ARHGAP8: variants seen among roughly 807,000 people sequenced by gnomAD.
ARHGAP8 encodes the protein Rho GTPase activating protein 8.
ARHGAP8 carries 62 observed loss-of-function variants against 46.1 expected under a neutral mutation model. That is an observed-to-expected ratio of 1.34 (90% CI 1.10 to 1.66). The LOEUF (loss-of-function observed/expected upper bound fraction) is 1.66. Among genes scored for constraint, ARHGAP8 ranks in the 40% most tolerant of loss-of-function variants. The pLI is 0.00. For missense variants in ARHGAP8, 923 were observed against 568.4 expected (o/e 1.62, Z -6.34); for synonymous variants, 375 against 243.1 (o/e 1.54, Z -5.05).
chr22:44,840,357 C>T (rs1442710012), intron 7 of ARHGAP8, among the ~76,000 whole-genome samples: 2 of 152,134 alleles, frequency 1.3e-5, no homozygotes, highest in Admixed American at 6.5e-5. Context: ...TTTCCAGAGG[C>T]GCCTATGCTC....
intron 7 of ARHGAP8, among the ~76,000 whole-genome samples, chr22:44,829,315 A>G (rs954621738): frequency 1.3e-5 from 2 of 151,822 alleles, no homozygotes; most frequent in Non-Finnish European, 2.9e-5. Flanking sequence ...AAAAAGAAAA[A>G]GAAAAAACAA....
Position 44,862,564 on chromosome 22 carries a change from G to A in ARHGAP8, c.1271G>A (p.Ser424Asn), listed in dbSNP as rs765285841. Residue 424 changes from serine (S) to asparagine (N), a missense_variant, in exon 12 of 12, where the codon AGT becomes AAT. Transcript: ENST00000356099. ...TGLTKPTLPP[S>N]PLMAARRRL ...CTCACCAAGCCTACCCTACCTCCGAGTCCCCTGATGGCAGCCAGAAGACGT... is the reference window on the plus strand; with the variant it reads ...CTCACCAAGCCTACCCTACCTCCGAATCCCCTGATGGCAGCCAGAAGACGT... 3 of 1,594,038 alleles carry A rather than the reference G, an allele frequency of 1.9e-6. No homozygotes were observed. Among genetic ancestry groups the A allele is most frequent in the Non-Finnish European group, 2.6e-6 (3 of 1,165,242 alleles).
chr22:44,773,821 G>A (rs528085078), intron 1 of ARHGAP8, among the ~76,000 whole-genome samples: 2 of 152,236 alleles, frequency 1.3e-5, no homozygotes, highest in African/African-American at 4.8e-5. Flanking sequence ...GGCCTCAAGT[G>A]ATCCACCTGC....
chr22:44,851,188 C>T (rs1167764310), intron 10 of ARHGAP8, among the ~76,000 whole-genome samples: 3 of 152,176 alleles, frequency 2.0e-5, no homozygotes, highest in East Asian at 1.9e-4. Context: ...TGTCCACTTC[C>T]GGATAGGCAC....
rs147262437 is a variant in ARHGAP8, at chr22:44,802,001, G to C, written c.80-76G>C. The C allele has an allele frequency of 7.6e-6, 12 of 1,584,184 alleles. No homozygotes were observed. The East Asian group carries it at 2.7e-4, about 36-fold the overall frequency. ...CAGCTCGGGCTGGACTGGCCAAGGA[G>C]GCTGCTTTTTGCTAAGTGCCTGAGG... On this transcript the variant is annotated intron_variant, in intron 2 of 11. Transcript: ENST00000356099.
chr22:44,766,779 G>C (rs1925607944), intron 1 of ARHGAP8, among the ~76,000 whole-genome samples: 1 of 152,144 alleles, frequency 6.6e-6, no homozygotes, highest in African/African-American at 2.4e-5. Context: ...GTGAGTAGTG[G>C]GGCAGGGTTC....
At chr22:44,850,977 A>G (rs1427444886) in intron 10 of ARHGAP8, 1 of 151,918 alleles carries the variant, frequency 6.6e-6, no homozygotes, top group Non-Finnish European at 1.5e-5. Context: ...AAAAAAAAAA[A>G]AAAAAGCTTG....
intron 1 of ARHGAP8, among the ~76,000 whole-genome samples, chr22:44,779,930 C>A (rs186513101): frequency 6.6e-6 from 1 of 152,048 alleles, no homozygotes; most frequent in African/African-American, 2.4e-5. Context: ...TCAAACCCTG[C>A]GGGCTTGTGT....
chr22:44,827,346 T>TTTG (rs1291510517), intron 7 of ARHGAP8, among the ~76,000 whole-genome samples: 1 of 122,738 alleles, frequency 8.1e-6, no homozygotes, highest in Non-Finnish European at 1.7e-5. Flanking sequence ...GTTTTTTTTT[T>TTTG]TTTTTTTTTT....
At chr22:44,830,130 TCTC>T (rs1317501121) in intron 7 of ARHGAP8, among the ~76,000 whole-genome samples, 1 of 148,998 alleles carries the variant, frequency 6.7e-6, no homozygotes, top group East Asian at 2.0e-4. Context: ...TTCAAGCAAT[TCTC>T]CTGTCTCAGC....
intron 10 of ARHGAP8, among the ~76,000 whole-genome samples, chr22:44,854,050 A>AG (rs2070161077): frequency 7.1e-6 from 1 of 140,000 alleles, no homozygotes; most frequent in East Asian, 2.5e-4. Context: ...AAAAAAAAAA[A>AG]AAAAAAAAAA....
chr22:44,828,071 T>C (rs1335295419), intron 7 of ARHGAP8, among the ~76,000 whole-genome samples: 1 of 152,214 alleles, frequency 6.6e-6, no homozygotes, highest in African/African-American at 2.4e-5. Context: ...CGTACTGCAC[T>C]GCACAGCTCT....
chr22:44,785,080 T>C (rs1927117861), intron 1 of ARHGAP8, among the ~76,000 whole-genome samples: 1 of 152,182 alleles, frequency 6.6e-6, no homozygotes, highest in Non-Finnish European at 1.5e-5. Flanking sequence ...TTCCAGCCCA[T>C]GTGAGGCAGC....
At chr22:44,792,164 A>T (rs1238691725) in intron 2 of ARHGAP8, among the ~76,000 whole-genome samples, 5 of 151,840 alleles carry the variant, frequency 3.3e-5, no homozygotes, top group African/African-American at 4.8e-5. Flanking sequence ...GGCACCCACC[A>T]CCACGCCTGG....
chr22:44,783,240 C>T (rs1926976421), intron 1 of ARHGAP8, among the ~76,000 whole-genome samples: 1 of 152,186 alleles, frequency 6.6e-6, no homozygotes, highest in Non-Finnish European at 1.5e-5. Flanking sequence ...CCCATAGCCA[C>T]GCTGACCTTG....
chr22:44,859,560 T>C, intron 10 of ARHGAP8, 171 bp from the exon 11 acceptor site: 1 of 649,940 alleles, frequency 1.5e-6, no homozygotes, highest in Non-Finnish European at 2.7e-6. Flanking sequence ...AACACACAGG[T>C]TTGCTGAGCA....
intron 1 of ARHGAP8, among the ~76,000 whole-genome samples, chr22:44,759,066 G>T (rs547085866): frequency 6.6e-6 from 1 of 152,358 alleles, no homozygotes; most frequent in African/African-American, 2.4e-5. Flanking sequence ...CAGAGAAAGA[G>T]GTGAACGAGG....
intron 5 of ARHGAP8, among the ~76,000 whole-genome samples, chr22:44,820,079 C>T (rs1041853186): frequency 2.7e-5 from 3 of 111,598 alleles, no homozygotes; most frequent in African/African-American, 1.1e-4. Flanking sequence ...AACTCTGAGG[C>T]CCTGGGTCTC....
At chr22:44,862,131 A>T in intron 11 of ARHGAP8, 144 bp from the exon 12 acceptor site, 1 of 979,426 alleles carries the variant, frequency 1.0e-6, no homozygotes, top group Non-Finnish European at 1.4e-6. Context: ...AGGTGGCTGC[A>T]CAGGGTCCCC....
Sources: gnomAD v4.1 joint callset for allele counts (sites outside exome capture counted in the v4.1 genomes callset) on GRCh38, gnomAD v4.1.1 for gene constraint, MANE v1.5 for transcripts, NCBI Gene and HGNC (gene_info 2026-07-23, HGNC 2026-07-21) for gene names.